The following CNNM2 variants were observed in gnomAD, a reference collection of about 807,000 sequenced individuals.
The protein encoded by CNNM2 is metal transporter CNNM2.
In CNNM2, 12 loss-of-function variants were observed where a neutral mutation model predicts 66.9. That is an observed-to-expected ratio of 0.18 (90% CI 0.11 to 0.29). The LOEUF is 0.29. CNNM2 is among the 10% of genes least tolerant of loss of function. The pLI is 1.00. For synonymous variants in CNNM2, 557 were observed against 501.8 expected, an observed-to-expected ratio of 1.11 and a Z score of -1.47; for missense variants, 705 against 1,167.7, an observed-to-expected ratio of 0.60 and a Z score of 5.77.
intron 1 of CNNM2, among the ~76,000 whole-genome samples, chr10:102,965,243 TCTTGA>T (rs1196999912): frequency 1.3e-5 from 2 of 152,230 alleles, no homozygotes; most frequent in East Asian, 3.8e-4. Context: ...CCCTGCTCTG[TCTTGA>T]CTTGTTTGAA....
Position 102,919,869 on chromosome 10 carries a change from C to A in CNNM2, c.1389C>A (p.Ala463=). 6.2e-7 allele frequency: 1 copy of A among 1,614,218 alleles called. No homozygotes were observed. The highest frequency in any genetic ancestry group is 2.2e-5 in the East Asian group (1 of 44,878). The change falls in exon 1 of 8, where the codon GCC becomes GCA. Residue 463 remains alanine (A), a synonymous_variant. Coordinates refer to ENST00000369878, the MANE Select transcript of CNNM2 (RefSeq NM_017649.5). ...LRDCFMITGE[A]ILDFNTMSEI... Reference sequence around the variant, plus strand: ...ACTGCTTCATGATCACCGGCGAAGCCATCCTGGACTTCAACACCATGTCTG... The same window carrying A: ...ACTGCTTCATGATCACCGGCGAAGCAATCCTGGACTTCAACACCATGTCTG...
chr10:103,008,503 G>T (rs768402178), intron 1 of CNNM2, among the ~76,000 whole-genome samples: 20 of 152,164 alleles, frequency 1.3e-4, no homozygotes, highest in Non-Finnish European at 2.5e-4. Flanking sequence ...CTTTTGGCCG[G>T]GGTGGTGCCT....
intron 1 of CNNM2, among the ~76,000 whole-genome samples, chr10:102,927,095 G>T (rs576857249): frequency 3.3e-5 from 5 of 151,634 alleles, no homozygotes; most frequent in Admixed American, 2.0e-4. Flanking sequence ...AAACTTTTAA[G>T]AGCAAACCTG....
chr10:102,960,661 A>G (rs1367736922), intron 1 of CNNM2, among the ~76,000 whole-genome samples: 3 of 151,906 alleles, frequency 2.0e-5, no homozygotes, highest in Non-Finnish European at 4.4e-5. Flanking sequence ...TTTGTTGCCT[A>G]TGCTGGAGTG....
chr10:103,015,109 A>G (rs1193181155), intron 1 of CNNM2, among the ~76,000 whole-genome samples: 2 of 152,220 alleles, frequency 1.3e-5, no homozygotes, highest in African/African-American at 2.4e-5. Context: ...TGATGATTAC[A>G]CTTGCTTAAA....
chr10:103,039,670 C>T (rs575288329), intron 1 of CNNM2, among the ~76,000 whole-genome samples: 1 of 152,196 alleles, frequency 6.6e-6, no homozygotes, highest in African/African-American at 2.4e-5. Context: ...TTCCCATAGC[C>T]TAGGTACGGT....
At chr10:102,987,557 G>A (rs752273237) in intron 1 of CNNM2, among the ~76,000 whole-genome samples, 17 of 151,946 alleles carry the variant, frequency 1.1e-4, no homozygotes, top group Non-Finnish European at 2.4e-4. Flanking sequence ...TGCTGACCTC[G>A]TGATCTGCCC....
intron 1 of CNNM2, among the ~76,000 whole-genome samples, chr10:102,957,330 G>C (rs1798838349): frequency 6.6e-6 from 1 of 151,996 alleles, no homozygotes; most frequent in Admixed American, 6.6e-5. Flanking sequence ...AAATAAAAAA[G>C]ATGATAAGAT....
Position 103,086,708 on chromosome 10 carries a change from C to T in CNNM2, c.*9528C>T, listed in dbSNP as rs2065816936. ...GGATTTGTAGTTCTATTAAAAACGA[C>T]TTCTAAAAGTATCTTAGGGTAGCTT... is the stretch of plus-strand genomic sequence containing the variant. On this transcript the variant is annotated 3_prime_UTR_variant, in exon 8 of 8. Transcript: ENST00000369878. The T allele has an allele frequency of 6.6e-6, 1 of 152,188 alleles. No individual in the cohort carries two copies. Among genetic ancestry groups the T allele is most frequent in the South Asian group, 2.1e-4 (1 of 4,834 alleles). The allele number at this position is 152,188 out of a possible 1,614,324, so 9.4% of individuals were successfully genotyped here. A position where few individuals can be genotyped will look rare whatever the true frequency, so the allele number is the denominator to read the frequency against.
chr10:103,061,059 A>C (rs1463030644), intron 4 of CNNM2, among the ~76,000 whole-genome samples: 1 of 152,178 alleles, frequency 6.6e-6, no homozygotes, highest in Non-Finnish European at 1.5e-5. Context: ...TATGTGGAAA[A>C]AGAGCAAAGC....
At position 103,089,237 on chromosome 10, in the gene CNNM2, A is replaced by G. The variant is rs1212060186; in HGVS notation, c.*12057A>G. ...TAATACATTTCTCCACTGATATACAATACCATGTAATGCACTGGAAAAGTT... is the reference window on the plus strand; with the variant it reads ...TAATACATTTCTCCACTGATATACAGTACCATGTAATGCACTGGAAAAGTT... On this transcript the variant is annotated 3_prime_UTR_variant, in exon 8 of 8. Transcript: ENST00000369878. The G allele has an allele frequency of 4.5e-6, 1 of 221,508 alleles. No homozygotes were observed. The highest frequency in any genetic ancestry group is 9.0e-6 in the Non-Finnish European group (1 of 111,006). The allele number at this position is 221,508 out of a possible 1,614,324, so 13.7% of individuals were successfully genotyped here.
rs530783514 is a variant in CNNM2 at position 103,062,409 on chromosome 10, C to G, written c.2073+5445C>G. Among the ~76,000 whole-genome samples the G allele has an allele frequency of 5.3e-4, 81 of 152,300 alleles. 1 individual carries two copies. Among genetic ancestry groups the G allele is most frequent in the African/African-American group, 1.7e-3 (72 of 41,568 alleles). ...TTTTAAGTTGCACGGTCTGTGTACC[C>G]TAGTGCAGTAACGGATCCTTAATCT... On this transcript the variant is annotated intron_variant, in intron 4 of 7. Transcript: ENST00000369878.
intron 1 of CNNM2, among the ~76,000 whole-genome samples, chr10:102,998,389 TTAAC>T (rs1012022335): frequency 1.3e-5 from 2 of 152,330 alleles, no homozygotes; most frequent in South Asian, 2.1e-4. Context: ...TTTCCATTCT[TTAAC>T]TATCAAATGC....
chr10:103,074,243 G>A (rs994220227), intron 6 of CNNM2, among the ~76,000 whole-genome samples: 2 of 152,050 alleles, frequency 1.3e-5, no homozygotes, highest in African/African-American at 2.4e-5. Flanking sequence ...GGCCAAGATC[G>A]CACCACTGCA....
chr10:103,071,183 T>C (rs2065574244), intron 5 of CNNM2, among the ~76,000 whole-genome samples: 1 of 152,230 alleles, frequency 6.6e-6, no homozygotes. Context: ...TCTGAGACTT[T>C]TCAATCTGAT....
At chr10:102,935,158 CAAAAAAAAAA>C (rs71753183) in intron 1 of CNNM2, among the ~76,000 whole-genome samples, 27,961 of 83,182 alleles carry the variant, frequency 0.34, 3,027 homozygotes, top group Non-Finnish European at 0.34. Flanking sequence ...GACTCCATCT[CAAAAAAAAAA>C]AAAAAAAAAA....
At chr10:102,945,365 T>G (rs1226401762) in intron 1 of CNNM2, among the ~76,000 whole-genome samples, 4 of 152,202 alleles carry the variant, frequency 2.6e-5, no homozygotes. Context: ...TATCTAGTGC[T>G]ATTTCCAGCT....
At chr10:102,961,462 T>C (rs1291286034) in intron 1 of CNNM2, among the ~76,000 whole-genome samples, 1 of 152,226 alleles carries the variant, frequency 6.6e-6, no homozygotes, top group Non-Finnish European at 1.5e-5. Flanking sequence ...GCTATTTCTC[T>C]AGTAATTCAC....
rs1299320140 is a variant in CNNM2 at position 102,938,764 on chromosome 10, CAGTTA to C, written c.1621+18665_1621+18669del. ...CTTAAATAGTCCTATGCCTATTAGA[CAGTTA>C]AATTTAATTTTTACTGAGTTCCTTG... is the stretch of plus-strand genomic sequence containing the variant. On this transcript the variant is annotated intron_variant, in intron 1 of 7. Transcript: ENST00000369878. Among the ~76,000 whole-genome samples, 3 of 151,804 alleles carry C rather than the reference CAGTTA, an allele frequency of 2.0e-5. No homozygotes were observed. The East Asian group carries it at 5.8e-4, about 29-fold the overall frequency.
Sources: gnomAD v4.1 joint callset for allele counts (sites outside exome capture counted in the v4.1 genomes callset) on GRCh38, gnomAD v4.1.1 for gene constraint, MANE v1.5 for transcripts, NCBI Gene and HGNC (gene_info 2026-07-23, HGNC 2026-07-21) for gene names.